Variants in ITPR1 observed in about 807,000 individuals in gnomAD.
ITPR1 encodes the protein inositol 1,4,5-trisphosphate-gated calcium channel ITPR1.
In ITPR1, 96 loss-of-function variants were observed where a neutral mutation model predicts 318.4. The observed-to-expected ratio is 0.30, with a 90% CI of 0.26 to 0.36. The LOEUF (loss-of-function observed/expected upper bound fraction) is 0.36. ITPR1 is among the 10% of genes least tolerant of loss of function. The probability of loss-of-function intolerance (pLI) is 1.00; values close to 1 mark genes in which losing one functional copy is unlikely to be tolerated. For synonymous variants in ITPR1, 1,312 were observed against 1,289.9 expected (o/e 1.02, Z -0.37); for missense variants, 2,440 against 3,460.2 (o/e 0.71, Z 7.40).
At chr3:4,499,546 G>A (rs751687261) in intron 2 of ITPR1, among the ~76,000 whole-genome samples, 85 of 152,048 alleles carry the variant, frequency 5.6e-4, no homozygotes, top group Middle Eastern at 6.8e-3. Flanking sequence ...ACACATACAC[G>A]TATTTAACAG....
At chr3:4,766,391 G>A (rs1007734099) in intron 44 of ITPR1, 139 bp from the exon 45 acceptor site, 1 of 637,008 alleles carries the variant, frequency 1.6e-6, no homozygotes, top group East Asian at 2.7e-5. Context: ...GTGTGGAGTG[G>A]TCCTTAATGT....
intron 37 of ITPR1, among the ~76,000 whole-genome samples, chr3:4,707,597 A>T (rs1343940828): frequency 6.6e-6 from 1 of 152,094 alleles, no homozygotes; most frequent in Non-Finnish European, 1.5e-5. Flanking sequence ...GTTCAGGGGG[A>T]GGGAATCTAG....
chr3:4,713,763 C>T (rs2041556764), intron 39 of ITPR1, among the ~76,000 whole-genome samples: 1 of 152,192 alleles, frequency 6.6e-6, no homozygotes, highest in Non-Finnish European at 1.5e-5. Flanking sequence ...AAATCCTTTT[C>T]AGCTGGTGAA....
intron 3 of ITPR1, among the ~76,000 whole-genome samples, chr3:4,518,137 C>G (rs183848045): frequency 3.2e-4 from 48 of 152,286 alleles, no homozygotes; most frequent in African/African-American, 1.2e-3. Flanking sequence ...CTCTTTCCAG[C>G]TTCCTTGTCT....
At chr3:4,721,613 G>T (rs1439133820) in intron 40 of ITPR1, among the ~76,000 whole-genome samples, 2 of 152,006 alleles carry the variant, frequency 1.3e-5, no homozygotes, top group African/African-American at 4.8e-5. Context: ...AGACTGATTC[G>T]AGCGGCTGGA....
chr3:4,595,233 C>G (rs563289395), intron 4 of ITPR1, among the ~76,000 whole-genome samples: 22 of 152,178 alleles, frequency 1.4e-4, no homozygotes, highest in Non-Finnish European at 2.9e-4. Flanking sequence ...ATATAGGAAG[C>G]ATGATGCTGG....
chr3:4,523,067 C>A (rs1051484410), intron 4 of ITPR1, among the ~76,000 whole-genome samples: 2 of 152,194 alleles, frequency 1.3e-5, no homozygotes, highest in African/African-American at 4.8e-5. Flanking sequence ...CTAATGAAAT[C>A]TAGGCTAATA....
intron 44 of ITPR1, among the ~76,000 whole-genome samples, chr3:4,740,491 C>A (rs995082404): frequency 4.6e-5 from 7 of 152,196 alleles, no homozygotes; most frequent in Non-Finnish European, 1.0e-4. Context: ...TAATGACATA[C>A]AGTGCTTGCT....
chr3:4,612,661 C>T (rs943418411), intron 4 of ITPR1, among the ~76,000 whole-genome samples: 6 of 151,934 alleles, frequency 3.9e-5, no homozygotes, highest in African/African-American at 7.3e-5. Flanking sequence ...CCAAGGCAGG[C>T]GGATCACCTG....
intron 44 of ITPR1, among the ~76,000 whole-genome samples, chr3:4,742,848 A>C (rs1027429049): frequency 6.6e-6 from 1 of 151,990 alleles, no homozygotes; most frequent in African/African-American, 2.4e-5. Flanking sequence ...GATATTTTCT[A>C]TTTTTGCATA....
intron 44 of ITPR1, among the ~76,000 whole-genome samples, chr3:4,761,966 G>A (rs1461810891): frequency 2.0e-5 from 3 of 152,190 alleles, no homozygotes; most frequent in Non-Finnish European, 4.4e-5. Context: ...GCAGGTGAAT[G>A]CCTCCAGCAG....
At chr3:4,716,661 A>G (rs1334093046) in intron 39 of ITPR1, among the ~76,000 whole-genome samples, 1 of 152,234 alleles carries the variant, frequency 6.6e-6, no homozygotes, top group African/African-American at 2.4e-5. Flanking sequence ...TTTGCAAAAC[A>G]TACTAAATGT....
At chr3:4,650,095 T>C (rs1161397812) in intron 10 of ITPR1, among the ~76,000 whole-genome samples, 1 of 152,258 alleles carries the variant, frequency 6.6e-6, no homozygotes, top group African/African-American at 2.4e-5. Flanking sequence ...TTCCATTGTA[T>C]GGATGTATCA....
intron 4 of ITPR1, among the ~76,000 whole-genome samples, chr3:4,592,683 T>C (rs1051501861): frequency 2.0e-5 from 3 of 152,328 alleles, no homozygotes; most frequent in East Asian, 1.9e-4. Context: ...GTCCACACCA[T>C]CGTCTGCAAC....
At chr3:4,834,843 T>C (rs1024691084) in intron 60 of ITPR1, among the ~76,000 whole-genome samples, 1 of 152,206 alleles carries the variant, frequency 6.6e-6, no homozygotes, top group Non-Finnish European at 1.5e-5. Context: ...GGGAAATTGA[T>C]GAATATAAGC....
intron 61 of ITPR1, among the ~76,000 whole-genome samples, chr3:4,840,097 G>C (rs981680010): frequency 2.2e-5 from 3 of 135,274 alleles, no homozygotes; most frequent in African/African-American, 8.4e-5. Context: ...AAAGGAAGTA[G>C]TCAGTGTTTT....
At chr3:4,803,301 A>G (rs2048360150) in intron 54 of ITPR1, among the ~76,000 whole-genome samples, 2 of 152,168 alleles carry the variant, frequency 1.3e-5, no homozygotes, top group Non-Finnish European at 2.9e-5. Context: ...GAACCAAACC[A>G]TACTGCCACT....
intron 32 of ITPR1, among the ~76,000 whole-genome samples, chr3:4,693,072 C>T (rs566386479): frequency 1.3e-5 from 2 of 152,104 alleles, no homozygotes; most frequent in South Asian, 2.1e-4. Flanking sequence ...TGTGGTGAGC[C>T]GAGATCACGG....
chr3:4,712,182 T>C (rs1373754488), intron 39 of ITPR1, among the ~76,000 whole-genome samples: 1 of 152,214 alleles, frequency 6.6e-6, no homozygotes, highest in Non-Finnish European at 1.5e-5. Context: ...GCCTCTTTTG[T>C]ATCAAAGTAT....
Sources: allele counts gnomAD v4.1 joint callset (sites outside exome capture counted in the v4.1 genomes callset), GRCh38; gene constraint gnomAD v4.1.1; transcripts MANE v1.5; gene names NCBI Gene and HGNC (gene_info 2026-07-23, HGNC 2026-07-21).